The following SENP7 variants were observed in gnomAD, a reference collection of about 807,000 sequenced individuals.
SENP7 encodes sentrin-specific protease 7.
SENP7 carries 64 observed loss-of-function variants against 141.2 expected under a neutral mutation model. The observed-to-expected ratio is 0.45, with a 90% CI of 0.37 to 0.56. The LOEUF is 0.56. SENP7 is among the 20% of genes least tolerant of loss of function. SENP7 has a pLI of 0.00. For missense variants in SENP7, 1,025 were observed against 1,212.2 expected (o/e 0.85, Z 2.29); for synonymous variants, 382 against 426.4 (o/e 0.90, Z 1.28).
In SENP7 at chr3:101,414,279, G is replaced by A. The variant is rs2107642222; in HGVS notation, c.482+3314C>T. ...TAGAATCGATGGTGAAGAGTCTGGA[G>A]AGAGAGAACATCCGGAAGATGCAGG... is the stretch of plus-strand genomic sequence containing the variant. On this transcript the variant is annotated intron_variant, in intron 5 of 23. Transcript: ENST00000394095. 5 of 703,858 alleles carry A rather than the reference G, an allele frequency of 7.1e-6. No individual in the cohort carries two copies. In the East Asian group the frequency reaches 7.6e-5, roughly 11 times the overall value. 43.6% of individuals were successfully genotyped at this position (703,858 alleles called of 1,614,324 possible). A position where few individuals can be genotyped will look rare whatever the true frequency, so the allele number is the denominator to read the frequency against.
intron 14 of SENP7, among the ~76,000 whole-genome samples, chr3:101,342,736 G>A (rs972979122): frequency 6.6e-5 from 10 of 150,426 alleles, no homozygotes; most frequent in Admixed American, 3.3e-4. Flanking sequence ...GCACAATCTC[G>A]ATCACTGCAA....
intron 4 of SENP7, among the ~76,000 whole-genome samples, chr3:101,431,715 C>T (rs1439682389): frequency 1.3e-5 from 2 of 151,740 alleles, no homozygotes; most frequent in Non-Finnish European, 2.9e-5. Flanking sequence ...ACCCGGGAGG[C>T]AGAGGTTGCA....
intron 6 of SENP7, among the ~76,000 whole-genome samples, chr3:101,394,297 G>T (rs1217997314): frequency 6.6e-6 from 1 of 152,088 alleles, no homozygotes; most frequent in Non-Finnish European, 1.5e-5. Flanking sequence ...TTTTATGGCT[G>T]AATGGTATTC....
chr3:101,500,565 T>C (rs2065338413), intron 2 of SENP7, among the ~76,000 whole-genome samples: 1 of 152,126 alleles, frequency 6.6e-6, no homozygotes, highest in African/African-American at 2.4e-5. Flanking sequence ...AAAAAGATTA[T>C]CTTTCTTAAA....
chr3:101,512,731 A>G (rs1197029249), intron 1 of SENP7, among the ~76,000 whole-genome samples: 1 of 152,218 alleles, frequency 6.6e-6, no homozygotes, highest in Non-Finnish European at 1.5e-5. Flanking sequence ...TCAGGCGCTG[A>G]GAAGCCGAAA....
At chr3:101,469,834 A>AC (rs1320889340) in intron 3 of SENP7, among the ~76,000 whole-genome samples, 1 of 61,612 alleles carries the variant, frequency 1.6e-5, no homozygotes, top group Non-Finnish European at 3.7e-5. Context: ...CCGTCTCAAA[A>AC]AAAAAAAAAA....
At chr3:101,400,160 A>C (rs2061092039) in intron 5 of SENP7, among the ~76,000 whole-genome samples, 1 of 152,272 alleles carries the variant, frequency 6.6e-6, no homozygotes, top group African/African-American at 2.4e-5. Flanking sequence ...CACTGGCCCA[A>C]GCCAAATTAT....
At chr3:101,454,670 AATG>A (rs2063290648) in intron 4 of SENP7, among the ~76,000 whole-genome samples, 1 of 152,228 alleles carries the variant, frequency 6.6e-6, no homozygotes, top group Non-Finnish European at 1.5e-5. Flanking sequence ...TATAAAAAGA[AATG>A]AAATACTGAT....
chr3:101,405,256 A>G (rs1347993662), intron 5 of SENP7, among the ~76,000 whole-genome samples: 1 of 151,996 alleles, frequency 6.6e-6, no homozygotes, highest in Non-Finnish European at 1.5e-5. Flanking sequence ...AGGTCACAAG[A>G]CTCTGTGCAG....
In SENP7 at chr3:101,452,378, T is replaced by C. The variant is rs59867140; in HGVS notation, c.284+6577A>G. 5.8e-3 allele frequency among the ~76,000 whole-genome samples: 881 copies of C among 152,244 alleles called. 6 individuals are homozygous for C. Among genetic ancestry groups the C allele is most frequent in the African/African-American group, 0.02 (846 of 41,530 alleles). On this transcript the variant is annotated intron_variant, in intron 4 of 23. Transcript: ENST00000394095. ...GGAAAAAACTACTTTAAAGTTCATA[T>C]GGAACCAAAAAAGAGCCCACATTGC...
chr3:101,490,814 A>G (rs1326484678), intron 3 of SENP7, among the ~76,000 whole-genome samples: 1 of 152,226 alleles, frequency 6.6e-6, no homozygotes, highest in Non-Finnish European at 1.5e-5. Context: ...AAAGTTGAGT[A>G]GTGGAAATGC....
At chr3:101,409,146 C>A (rs1487562865) in intron 5 of SENP7, among the ~76,000 whole-genome samples, 7 of 152,080 alleles carry the variant, frequency 4.6e-5, no homozygotes, top group Admixed American at 4.6e-4. Context: ...AGCGACCAAG[C>A]AGAGAATCAA....
chr3:101,388,359 CTG>C (rs1559755504), intron 6 of SENP7, among the ~76,000 whole-genome samples: 1 of 152,200 alleles, frequency 6.6e-6, no homozygotes, highest in East Asian at 1.9e-4. Flanking sequence ...ACCTAAGCCA[CTG>C]AGGAACACAG....
intron 11 of SENP7, among the ~76,000 whole-genome samples, chr3:101,359,914 A>C (rs1040025119): frequency 2.6e-5 from 4 of 151,752 alleles, no homozygotes; most frequent in African/African-American, 9.7e-5. Flanking sequence ...TAATAATATA[A>C]TTAATATATT....
chr3:101,367,866 T>C lies in SENP7; in HGVS notation c.942A>G (p.Gln314=). Reference sequence around the variant, plus strand: ...TTGACTTATCCAAAGAAGTACAATATTGAGAATCAGGTAAATTATTTCTAA... The same window carrying C: ...TTGACTTATCCAAAGAAGTACAATACTGAGAATCAGGTAAATTATTTCTAA... ...RRLRNNLPDS[Q]YCTSLDKSTE... The change falls in exon 8 of 24, where the codon CAA becomes CAG. Residue 314 remains glutamine (Q), a synonymous_variant. Coordinates refer to ENST00000394095, the MANE Select transcript of SENP7 (RefSeq NM_020654.5). The C allele has an allele frequency of 1.9e-6, 3 of 1,608,212 alleles. No homozygotes were observed. The highest frequency in any genetic ancestry group is 2.6e-6 in the Non-Finnish European group (3 of 1,175,138).
chr3:101,328,775 T>A, intron 20 of SENP7, 86 bp from the exon 21 acceptor site: 1 of 1,048,506 alleles, frequency 9.5e-7, no homozygotes, highest in Non-Finnish European at 1.4e-6. Context: ...TGTTTCAAAC[T>A]TTGAAGTTAA....
intron 4 of SENP7, among the ~76,000 whole-genome samples, chr3:101,435,492 A>G (rs554091087): frequency 6.6e-6 from 1 of 152,176 alleles, no homozygotes; most frequent in East Asian, 1.9e-4. Flanking sequence ...GAAGAAGTCA[A>G]ATTACTCGTT....
At chr3:101,456,167 AT>A (rs2063345963) in intron 4 of SENP7, among the ~76,000 whole-genome samples, 2 of 56,266 alleles carry the variant, frequency 3.6e-5, no homozygotes, top group South Asian at 1.2e-3. Context: ...TAAAAGACAT[AT>A]ATATGTGTCT....
intron 3 of SENP7, among the ~76,000 whole-genome samples, chr3:101,470,724 G>C (rs1453195782): frequency 6.6e-6 from 1 of 152,188 alleles, no homozygotes; most frequent in Non-Finnish European, 1.5e-5. Context: ...CCTGTTTGCA[G>C]ATGACATGAT....
Sources: gnomAD v4.1 joint callset for allele counts (sites outside exome capture counted in the v4.1 genomes callset) on GRCh38, gnomAD v4.1.1 for gene constraint, MANE v1.5 for transcripts, NCBI Gene and HGNC (gene_info 2026-07-23, HGNC 2026-07-21) for gene names.